Variants in FCGR2B observed in about 807,000 individuals in gnomAD.
FCGR2B encodes the protein Fc gamma receptor IIb, also known as low affinity immunoglobulin gamma Fc region receptor II-b.
A neutral mutation model predicts 24.8 loss-of-function variants in FCGR2B; 18 were observed. The observed-to-expected ratio is 0.73, with a 90% CI of 0.50 to 1.08. The LOEUF (loss-of-function observed/expected upper bound fraction) is 1.08, where lower values mean the gene tolerates loss of function less well. Among genes scored for constraint, FCGR2B ranks in the 50% least tolerant of loss-of-function variants. The probability of loss-of-function intolerance (pLI) is 0.00; values close to 1 mark genes in which losing one functional copy is unlikely to be tolerated. For missense variants in FCGR2B, 215 were observed against 297.6 expected (o/e 0.72, Z 2.04); for synonymous variants, 79 against 109.8 (o/e 0.72, Z 1.75).
chr1:161,654,124 T>G, the FCGR2B span, among the ~76,000 whole-genome samples: 1 of 136,718 alleles, frequency 7.3e-6, no homozygotes, highest in Non-Finnish European at 1.7e-5. Context: ...ATTATTAAAC[T>G]CTTTCTTTGC....
the FCGR2B span, among the ~76,000 whole-genome samples, chr1:161,647,729 T>C: frequency 2.0e-5 from 3 of 151,016 alleles, no homozygotes; most frequent in South Asian, 2.1e-4. Flanking sequence ...GAGATGTATA[T>C]TGTCCACTTT....
chr1:161,673,066 C>T lies in FCGR2B; in HGVS notation c.483C>T (p.Val161=). 1.2e-6 allele frequency: 2 copies of T among 1,612,778 alleles called. No individual in the cohort carries two copies. The highest frequency in any genetic ancestry group is 1.7e-6 in the Non-Finnish European group (2 of 1,179,366). ...RCHSWKDKPL[V]KVTFFQNGKS... ...ACAGCTGGAAGGACAAGCCTCTGGT[C>T]AAGGTCACATTCTTCCAGAATGGAA... The change falls in exon 4 of 8, where the codon GTC becomes GTT. Residue 161 remains valine, a synonymous_variant. Transcript: ENST00000358671.
rs1219865047 is a variant in FCGR2B, at chr1:161,671,669, A to G, written c.391+20A>G. Reference sequence around the variant, plus strand: ...TTTCTGGTCAGTGGAGGAAGGCCCCAGGGTGGACCTGGGAGGGCCAGGACG... The same window carrying G: ...TTTCTGGTCAGTGGAGGAAGGCCCCGGGGTGGACCTGGGAGGGCCAGGACG... On this transcript the variant is annotated intron_variant, in intron 3 of 7. Transcript: ENST00000358671. 1.1e-5 allele frequency: 17 copies of G among 1,611,814 alleles called. No individual in the cohort carries two copies. Among genetic ancestry groups the G allele is most frequent in the Non-Finnish European group, 1.4e-5 (17 of 1,178,128 alleles).
the FCGR2B span, among the ~76,000 whole-genome samples, chr1:161,649,315 G>C: frequency 6.6e-6 from 1 of 150,918 alleles, no homozygotes; most frequent in Non-Finnish European, 1.5e-5. Context: ...TGAATGTCAG[G>C]TCAATTTCCA....
upstream of FCGR2B, among the ~76,000 whole-genome samples, chr1:161,661,110 T>C (rs1680980602): frequency 1.7e-5 from 1 of 57,170 alleles, no homozygotes; most frequent in Admixed American, 1.8e-4. Flanking sequence ...AAAGAGAGAC[T>C]CTGGCAAGTA....
upstream of FCGR2B, among the ~76,000 whole-genome samples, chr1:161,658,792 T>C: frequency 6.8e-6 from 1 of 146,658 alleles, no homozygotes; most frequent in Admixed American, 6.8e-5. Context: ...GAGCCTGTGG[T>C]CAGGATATTA....
chr1:161,661,214 GAAAGAAAGAAA>G, upstream of FCGR2B, among the ~76,000 whole-genome samples: 3 of 91,800 alleles, frequency 3.3e-5, no homozygotes, highest in Admixed American at 3.0e-4. Flanking sequence ...AAGAAAGAAA[GAAAGAAAGAAA>G]GAAAGAAAGA....
chr1:161,647,734 C>T, the FCGR2B span, among the ~76,000 whole-genome samples: 2 of 150,864 alleles, frequency 1.3e-5, no homozygotes, highest in Non-Finnish European at 2.9e-5. Flanking sequence ...GTATATTGTC[C>T]ACTTTTGTTT....
intron 7 of FCGR2B, 54 bp from the exon 8 acceptor site, chr1:161,677,422 T>C: frequency 6.2e-7 from 1 of 1,610,650 alleles, no homozygotes. Context: ...TTCTGTTGCC[T>C]TCTTTCCTAG....
At chr1:161,654,680 CT>C in the FCGR2B span, among the ~76,000 whole-genome samples, 1 of 133,816 alleles carries the variant, frequency 7.5e-6, no homozygotes, top group East Asian at 2.0e-4. Context: ...AAAATTTTAG[CT>C]GAATTCTTCT....
At position 161,675,198 on chromosome 1, in the gene FCGR2B, G is replaced by A. The variant is rs945376985; in HGVS notation, c.761-59G>A. On this transcript the variant is annotated intron_variant, in intron 5 of 7. Coordinates refer to ENST00000358671, the MANE Select transcript of FCGR2B (RefSeq NM_001394477.1). ...CATCCAACCCTGGCCCTGGTCCTTG[G>A]TCCTGAGGACTCAGGCCCCACCGCC... is the stretch of plus-strand genomic sequence containing the variant. 8.2e-6 allele frequency: 10 copies of A among 1,225,148 alleles called. No individual in the cohort carries two copies. The African/African-American group carries it at 1.2e-4, about 15-fold the overall frequency. 75.9% of individuals were successfully genotyped at this position (1,225,148 alleles called of 1,614,324 possible). A position where few individuals can be genotyped will look rare whatever the true frequency, so the allele number is the denominator to read the frequency against.
At chr1:161,675,888 G>A (rs748930376) in intron 6 of FCGR2B, 24 of 233,152 alleles carry the variant, frequency 1.0e-4, no homozygotes, top group Admixed American at 5.6e-4. Context: ...ACTCAGTTCT[G>A]ATGCCCATGC....
intron 3 of FCGR2B, 101 bp downstream of exon 3, chr1:161,671,750 G>A (rs1164220629): frequency 2.5e-6 from 4 of 1,576,964 alleles, no homozygotes; most frequent in African/African-American, 2.7e-5. Context: ...CCTGCTTACT[G>A]GGAAGTATCG....
intron 6 of FCGR2B, chr1:161,676,259 A>C (rs1273285238): frequency 4.7e-6 from 1 of 214,180 alleles, no homozygotes; most frequent in East Asian, 7.0e-5. Context: ...GATTCAGAGC[A>C]GAGCCAACAG....
At chr1:161,654,430 T>C in the FCGR2B span, among the ~76,000 whole-genome samples, 2 of 137,196 alleles carry the variant, frequency 1.5e-5, no homozygotes, top group Non-Finnish European at 3.4e-5. Flanking sequence ...GCTCTTTTCC[T>C]GTGCCCTGGG....
intron 6 of FCGR2B, chr1:161,676,099 G>A (rs1682106476): frequency 4.3e-6 from 1 of 230,860 alleles, no homozygotes; most frequent in Non-Finnish European, 8.6e-6. Flanking sequence ...GTGTGTAAAG[G>A]AACTTCCAGG....
At chr1:161,672,853 ACT>A (rs1255691226) in intron 3 of FCGR2B, 120 bp from the exon 4 acceptor site, 3 of 1,427,702 alleles carry the variant, frequency 2.1e-6, no homozygotes, top group Non-Finnish European at 2.8e-6. Flanking sequence ...AGAGTCCAGG[ACT>A]GTCTGATTTC....
intron 3 of FCGR2B, chr1:161,672,595 C>G (rs529910331): frequency 6.1e-6 from 2 of 330,462 alleles, no homozygotes; most frequent in South Asian, 8.7e-5. Context: ...TTCCTTCCCT[C>G]CTCGACATGG....
chr1:161,649,913 A>G, the FCGR2B span, among the ~76,000 whole-genome samples: 1 of 150,510 alleles, frequency 6.6e-6, no homozygotes, highest in Non-Finnish European at 1.5e-5. Flanking sequence ...TGGTAGATAC[A>G]TTAATTTGAA....
Sources: allele counts gnomAD v4.1 joint callset (sites outside exome capture counted in the v4.1 genomes callset), GRCh38; gene constraint gnomAD v4.1.1; transcripts MANE v1.5; gene names NCBI Gene and HGNC (gene_info 2026-07-23, HGNC 2026-07-21).